The following RANBP17 variants were observed in gnomAD, a reference collection of about 807,000 sequenced individuals.
RANBP17 encodes the protein RAN binding protein 17, also known as ran-binding protein 17.
In RANBP17, 158 loss-of-function variants were observed where a neutral mutation model predicts 141.2. The observed-to-expected ratio is 1.12, with a 90% CI of 0.98 to 1.28. RANBP17 has a LOEUF of 1.28. Ranked by LOEUF, RANBP17 falls within the 50% of genes most tolerant of loss-of-function variation. The pLI, the probability that RANBP17 is intolerant of heterozygous loss-of-function variation, is 0.00. For synonymous variants in RANBP17, 430 were observed against 450.0 expected, an observed-to-expected ratio of 0.96 and a Z score of 0.56; for missense variants, 1,438 against 1,290.7, an observed-to-expected ratio of 1.11 and a Z score of -1.75.
chr5:171,122,832 A>G (rs1000592782), intron 14 of RANBP17, among the ~76,000 whole-genome samples: 8 of 152,148 alleles, frequency 5.3e-5, no homozygotes, highest in African/African-American at 1.9e-4. Flanking sequence ...CCACTGCCAG[A>G]TTACATTCTG....
intron 14 of RANBP17, among the ~76,000 whole-genome samples, chr5:171,147,339 T>TTGTGTGTGTGTGTGTGTGTGTGTGTGTG (rs59202388): frequency 9.5e-6 from 1 of 104,850 alleles, no homozygotes; most frequent in Non-Finnish European, 1.9e-5. Context: ...CTTGGTTGTT[T>TTGTGTGTGTGTGTGTGTGTGTGTGTGTG]TGTGTGTGTG....
At chr5:170,903,839 C>A (rs934131141) in intron 5 of RANBP17, 2 of 438,420 alleles carry the variant, frequency 4.6e-6, no homozygotes, top group South Asian at 2.0e-5. Context: ...CAAATTTGCT[C>A]AACCTAACAA....
chr5:171,242,730 A>G lies in RANBP17; in HGVS notation c.2686A>G (p.Thr896Ala), dbSNP rs1452445287. 2.5e-6 allele frequency: 4 copies of G among 1,613,322 alleles called. No homozygotes were observed. Among genetic ancestry groups the G allele is most frequent in the Non-Finnish European group, 3.4e-6 (4 of 1,179,508 alleles). Residue 896 changes from threonine to alanine, a missense_variant, in exon 24 of 28, where the codon ACT becomes GCT. Thr to Ala is a moderately conservative substitution (Grantham distance 58). Transcript: ENST00000523189. ...TTATTATCCACTCCTGGAATGTCTC[A>G]CTCAGGACCATATGAGCTTCATCAT... ...QSYYPLLECL[T>A]QDHMSFIINL...
intron 14 of RANBP17, among the ~76,000 whole-genome samples, chr5:171,026,855 A>G (rs774229697): frequency 6.6e-6 from 1 of 152,160 alleles, no homozygotes; most frequent in Non-Finnish European, 1.5e-5. Context: ...CCCAGGCCAC[A>G]GGTTGGTACT....
chr5:170,967,033 T>G (rs113119395), intron 13 of RANBP17, among the ~76,000 whole-genome samples: 2 of 151,906 alleles, frequency 1.3e-5, no homozygotes, highest in South Asian at 2.1e-4. Flanking sequence ...CACTGCTCAA[T>G]GAAATAAAAG....
intron 14 of RANBP17, among the ~76,000 whole-genome samples, chr5:171,013,605 C>T (rs913341985): frequency 5.1e-5 from 5 of 97,508 alleles, no homozygotes; most frequent in Admixed American, 5.0e-4. Context: ...TCTGAACTCT[C>T]TATTTTGTCC....
chr5:171,169,696 CTTAA>C (rs1220474830), intron 14 of RANBP17, among the ~76,000 whole-genome samples: 1 of 97,644 alleles, frequency 1.0e-5, no homozygotes, highest in Non-Finnish European at 2.6e-5. Flanking sequence ...TTATAACTGC[CTTAA>C]ATAATCCTGA....
At chr5:170,950,153 G>A (rs1379190678) in intron 12 of RANBP17, among the ~76,000 whole-genome samples, 1 of 152,036 alleles carries the variant, frequency 6.6e-6, no homozygotes, top group Non-Finnish European at 1.5e-5. Flanking sequence ...AAAACATGGG[G>A]AGACACTTCA....
intron 13 of RANBP17, among the ~76,000 whole-genome samples, chr5:170,959,839 T>C (rs186644185): frequency 5.3e-5 from 8 of 152,314 alleles, no homozygotes; most frequent in African/African-American, 1.9e-4. Flanking sequence ...ATCTTAAACA[T>C]TGGGTAGGCT....
intron 12 of RANBP17, among the ~76,000 whole-genome samples, chr5:170,930,624 T>C (rs1034411113): frequency 6.6e-6 from 1 of 152,120 alleles, no homozygotes; most frequent in African/African-American, 2.4e-5. Flanking sequence ...TGTGTTCTTA[T>C]TGTTCAGTTC....
At chr5:171,242,621 G>T (rs1365681229) in intron 23 of RANBP17, 61 bp from the exon 24 acceptor site, 9 of 1,555,082 alleles carry the variant, frequency 5.8e-6, no homozygotes, top group Non-Finnish European at 7.9e-6. Context: ...AATTTTCACT[G>T]GACTGTAACA....
chr5:170,886,601 CCTT>C (rs994523151), intron 3 of RANBP17, among the ~76,000 whole-genome samples: 2 of 149,350 alleles, frequency 1.3e-5, no homozygotes, highest in East Asian at 2.0e-4. Flanking sequence ...TACATTTATA[CCTT>C]CTTATTTTTA....
chr5:171,240,276 A>G (rs1764784244), intron 22 of RANBP17, among the ~76,000 whole-genome samples: 1 of 152,186 alleles, frequency 6.6e-6, no homozygotes, highest in African/African-American at 2.4e-5. Flanking sequence ...TGATCATACA[A>G]ACATTTCTTT....
intron 8 of RANBP17, among the ~76,000 whole-genome samples, chr5:170,914,895 A>C (rs1348800426): frequency 6.6e-6 from 1 of 152,170 alleles, no homozygotes. Context: ...GGGAGTTCTA[A>C]TATTGCCATT....
chr5:170,894,735 C>A (rs1176198738), intron 4 of RANBP17, among the ~76,000 whole-genome samples: 1 of 151,850 alleles, frequency 6.6e-6, no homozygotes, highest in Non-Finnish European at 1.5e-5. Flanking sequence ...TATGTGTCTC[C>A]TTTCTACTGA....
chr5:170,947,732 C>T (rs1774876945), intron 12 of RANBP17, among the ~76,000 whole-genome samples: 2 of 151,978 alleles, frequency 1.3e-5, no homozygotes. Context: ...TCTAGTTGGG[C>T]ATTTCTCTCT....
At chr5:170,975,049 G>T (rs920511281) in intron 14 of RANBP17, among the ~76,000 whole-genome samples, 3 of 152,032 alleles carry the variant, frequency 2.0e-5, no homozygotes, top group Non-Finnish European at 4.4e-5. Context: ...GCCAGTCCAG[G>T]CACACCTTTT....
intron 14 of RANBP17, among the ~76,000 whole-genome samples, chr5:171,003,656 G>A (rs965226344): frequency 4.6e-5 from 7 of 152,178 alleles, no homozygotes; most frequent in African/African-American, 1.7e-4. Flanking sequence ...CTACAAAGTA[G>A]AAGGTCATCA....
At chr5:171,245,605 C>T (rs1364132254) in intron 24 of RANBP17, among the ~76,000 whole-genome samples, 1 of 152,192 alleles carries the variant, frequency 6.6e-6, no homozygotes, top group Non-Finnish European at 1.5e-5. Context: ...TGAGCCACTG[C>T]ACCCAGCCAA....
Sources: allele counts gnomAD v4.1 joint callset (sites outside exome capture counted in the v4.1 genomes callset), GRCh38; gene constraint gnomAD v4.1.1; transcripts MANE v1.5; gene names NCBI Gene and HGNC (gene_info 2026-07-23, HGNC 2026-07-21).